RUNX1T1: variants seen among roughly 807,000 people sequenced by gnomAD.
RUNX1T1 encodes the protein RUNX1 partner transcriptional co-repressor 1.
Under a neutral mutation model 62.8 loss-of-function variants are expected in RUNX1T1, and 4 were observed. That is an observed-to-expected ratio of 0.06 (90% CI 0.03 to 0.15). The LOEUF (loss-of-function observed/expected upper bound fraction) is 0.15, where lower values mean the gene tolerates loss of function less well. Among genes scored for constraint, RUNX1T1 ranks in the 10% least tolerant of loss-of-function variants. RUNX1T1 has a pLI of 1.00. For missense variants in RUNX1T1, 508 were observed against 754.3 expected (o/e 0.67, Z 3.82); for synonymous variants, 291 against 286.0 (o/e 1.02, Z -0.18).
At chr8:92,014,297 A>G (rs2131135313) in intron 3 of RUNX1T1, among the ~76,000 whole-genome samples, 1 of 152,126 alleles carries the variant, frequency 6.6e-6, no homozygotes, top group Admixed American at 6.5e-5. Flanking sequence ...ACACACACAC[A>G]CACACATTTA....
chr8:92,047,765 A>C (rs1400581704), intron 1 of RUNX1T1, among the ~76,000 whole-genome samples: 131 of 152,122 alleles, frequency 8.6e-4, no homozygotes, highest in Non-Finnish European at 1.8e-3. Context: ...AAAAAAAAAA[A>C]AGATACAAAG....
intron 1 of RUNX1T1, chr8:92,081,168 A>G (rs1330738198): frequency 4.7e-6 from 2 of 425,086 alleles, no homozygotes; most frequent in Non-Finnish European, 6.3e-6. Context: ...TTAAATCTCC[A>G]AAGTAAGATA....
downstream of RUNX1T1, chr8:91,958,857 G>GAAA: frequency 5.8e-6 from 1 of 173,346 alleles, no homozygotes; most frequent in Non-Finnish European, 1.2e-5. Flanking sequence ...TGGTTTTCAG[G>GAAA]AAAAAAAAAA....
chr8:92,006,162 T>G (rs1820735749), intron 4 of RUNX1T1: 1 of 152,172 alleles, frequency 6.6e-6, no homozygotes, highest in African/African-American at 2.4e-5. Context: ...AGAGGCAATT[T>G]CACACATAGT....
chr8:92,045,239 C>T (rs77780350), intron 1 of RUNX1T1, among the ~76,000 whole-genome samples: 1,609 of 152,120 alleles, frequency 0.011, 21 homozygotes, highest in African/African-American at 0.036. Context: ...TTCAAAGCTT[C>T]GATAATGAGA....
At chr8:91,957,713 A>C (rs915987668), downstream of RUNX1T1, 1 of 225,384 alleles carries the variant, frequency 4.4e-6, no homozygotes, top group Non-Finnish European at 8.8e-6. Context: ...ATAGCTCTGT[A>C]AGAAAGGACT....
At chr8:92,010,295 C>T (rs534599361) in intron 4 of RUNX1T1, 1 of 152,296 alleles carries the variant, frequency 6.6e-6, no homozygotes, top group African/African-American at 2.4e-5. Flanking sequence ...CCACTATGCC[C>T]AAGCAATATG....
At chr8:92,067,588 G>A (rs1350323489), upstream of RUNX1T1, among the ~76,000 whole-genome samples, 1 of 152,090 alleles carries the variant, frequency 6.6e-6, no homozygotes, top group Non-Finnish European at 1.5e-5. Context: ...AATGTCTACA[G>A]AATAAAATAT....
At chr8:92,026,836 G>A (rs1326303047) in intron 1 of RUNX1T1, among the ~76,000 whole-genome samples, 2 of 144,846 alleles carry the variant, frequency 1.4e-5, no homozygotes, top group East Asian at 2.1e-4. Flanking sequence ...ACAAACAAAC[G>A]GCCGGGCGCG....
intron 2 of RUNX1T1, among the ~76,000 whole-genome samples, chr8:92,069,989 A>G (rs1245170340): frequency 6.6e-6 from 1 of 152,212 alleles, no homozygotes; most frequent in East Asian, 1.9e-4. Flanking sequence ...CACTTTCCAG[A>G]GTAATTCACT....
chr8:91,975,768 G>T lies in RUNX1T1; in HGVS notation c.1267+137C>A, dbSNP rs551549287. 391 of 627,668 alleles carry T rather than the reference G, an allele frequency of 6.2e-4. 3 individuals are homozygous for T. Among genetic ancestry groups the T allele is most frequent in the East Asian group, 8.7e-4 (33 of 38,062 alleles). 38.9% of individuals were successfully genotyped at this position (627,668 alleles called of 1,614,324 possible). ...TATTAATCAGGTGTTTTGTTTAGTG[G>T]TTTTTTTTGTTTTGTTTTGTTTTTG... On this transcript the variant is annotated intron_variant, in intron 9 of 10. Coordinates refer to ENST00000396218, the Ensembl canonical transcript of RUNX1T1.
intron 5 of RUNX1T1, chr8:92,003,526 T>C: frequency 2.6e-6 from 1 of 389,042 alleles, no homozygotes; most frequent in Admixed American, 2.9e-5. Context: ...TCTAAATCTT[T>C]CCCTGTTACA....
intron 1 of RUNX1T1, among the ~76,000 whole-genome samples, chr8:92,044,738 G>A (rs1044017238): frequency 1.3e-5 from 2 of 152,174 alleles, no homozygotes; most frequent in African/African-American, 4.8e-5. Context: ...ATCCTCAAGA[G>A]AATCAGGTGA....
At chr8:92,003,212 G>T in intron 5 of RUNX1T1, 1 of 385,852 alleles carries the variant, frequency 2.6e-6, no homozygotes, top group Non-Finnish European at 5.3e-6. Flanking sequence ...TGCATGCACA[G>T]CGACAGAGCA....
At chr8:92,007,548 T>C (rs1286266422) in intron 4 of RUNX1T1, among the ~76,000 whole-genome samples, 1 of 152,008 alleles carries the variant, frequency 6.6e-6, no homozygotes, top group African/African-American at 2.4e-5. Context: ...CATTGTTACA[T>C]GATTTCGTCA....
At chr8:92,027,474 C>T (rs986439897) in intron 1 of RUNX1T1, among the ~76,000 whole-genome samples, 3 of 152,290 alleles carry the variant, frequency 2.0e-5, no homozygotes, top group Non-Finnish European at 4.4e-5. Flanking sequence ...AAACATCTTC[C>T]GCTGCCATTC....
chr8:92,070,449 G>A (rs1331223875), intron 2 of RUNX1T1, among the ~76,000 whole-genome samples: 2 of 152,160 alleles, frequency 1.3e-5, no homozygotes, highest in East Asian at 3.8e-4. Flanking sequence ...GCACATGCCT[G>A]AGGATACACA....
chr8:91,965,107 C>T (rs952013754), intron 10 of RUNX1T1, among the ~76,000 whole-genome samples: 3 of 152,178 alleles, frequency 2.0e-5, no homozygotes, highest in African/African-American at 7.2e-5. Flanking sequence ...ACAGTCCTTG[C>T]TCCAGATCCA....
At chr8:92,031,165 C>A (rs1291142806) in intron 1 of RUNX1T1, among the ~76,000 whole-genome samples, 1 of 152,202 alleles carries the variant, frequency 6.6e-6, no homozygotes, top group Non-Finnish European at 1.5e-5. Context: ...TTCTAAATAA[C>A]CTTTGCGATC....
Sources: gnomAD v4.1 joint callset for allele counts (sites outside exome capture counted in the v4.1 genomes callset) on GRCh38, gnomAD v4.1.1 for gene constraint, MANE v1.5 for transcripts, NCBI Gene and HGNC (gene_info 2026-07-23, HGNC 2026-07-21) for gene names.